Variants in NELL1 observed in about 807,000 individuals in gnomAD.
NELL1 encodes the protein protein kinase C-binding protein NELL1.
In NELL1, 76 loss-of-function variants were observed where a neutral mutation model predicts 107.4. The observed-to-expected ratio is 0.71, with a 90% CI of 0.59 to 0.86. The LOEUF (loss-of-function observed/expected upper bound fraction) is 0.86. Among genes scored for constraint, NELL1 ranks in the 40% least tolerant of loss-of-function variants. The pLI is 0.00. For synonymous variants in NELL1, 353 were observed against 341.2 expected (o/e 1.03, Z -0.38); for missense variants, 1,024 against 1,005.5 (o/e 1.02, Z -0.25).
chr11:20,914,938 A>G (rs980827650), intron 5 of NELL1, among the ~76,000 whole-genome samples: 2 of 152,006 alleles, frequency 1.3e-5, no homozygotes, highest in African/African-American at 4.8e-5. Context: ...TATACCCTAA[A>G]TTAAAAACTA....
intron 15 of NELL1, among the ~76,000 whole-genome samples, chr11:21,475,638 T>A (rs1854311972): frequency 6.6e-6 from 1 of 152,192 alleles, no homozygotes; most frequent in South Asian, 2.1e-4. Context: ...GTAGAGCAGA[T>A]TTACAGTGGA....
intron 13 of NELL1, among the ~76,000 whole-genome samples, chr11:21,168,466 C>G (rs920874311): frequency 6.6e-6 from 1 of 151,752 alleles, no homozygotes; most frequent in South Asian, 2.1e-4. Flanking sequence ...TTCTGTGTCA[C>G]CTCTTCTCTT....
chr11:20,862,405 C>G (rs1342742082), intron 4 of NELL1, among the ~76,000 whole-genome samples: 1 of 152,068 alleles, frequency 6.6e-6, no homozygotes, highest in Admixed American at 6.5e-5. Flanking sequence ...CTGTCAACAT[C>G]AAAGCACAAG....
intron 15 of NELL1, among the ~76,000 whole-genome samples, chr11:21,520,473 T>C (rs930684567): frequency 1.3e-5 from 2 of 152,128 alleles, no homozygotes; most frequent in Non-Finnish European, 2.9e-5. Flanking sequence ...GCCTAGAACA[T>C]CTGGAGGCCA....
At chr11:20,866,063 C>T (rs1418201817) in intron 4 of NELL1, among the ~76,000 whole-genome samples, 2 of 152,164 alleles carry the variant, frequency 1.3e-5, no homozygotes, top group African/African-American at 2.4e-5. Context: ...CTGCCCCCTG[C>T]CTTCAAGGAA....
At chr11:20,854,676 C>T (rs570561129) in intron 4 of NELL1, among the ~76,000 whole-genome samples, 1 of 148,314 alleles carries the variant, frequency 6.7e-6, no homozygotes, top group East Asian at 2.0e-4. Flanking sequence ...GCTCTTTCTT[C>T]CTGAGTTCTC....
At chr11:20,869,272 A>G (rs1432968418) in intron 4 of NELL1, among the ~76,000 whole-genome samples, 2 of 152,218 alleles carry the variant, frequency 1.3e-5, no homozygotes, top group Non-Finnish European at 2.9e-5. Context: ...ATATCTATAT[A>G]AAGGGAGGAG....
intron 15 of NELL1, among the ~76,000 whole-genome samples, chr11:21,467,194 A>G (rs184439030): frequency 3.0e-4 from 45 of 152,154 alleles, no homozygotes; most frequent in Admixed American, 2.8e-3. Context: ...CAGATCCCAT[A>G]CTTACTAACT....
At chr11:21,169,654 A>C in intron 13 of NELL1, 1 of 463,228 alleles carries the variant, frequency 2.2e-6, no homozygotes, top group South Asian at 3.5e-5. Flanking sequence ...TGTTTAGGCA[A>C]ACCCCTTCCT....
intron 14 of NELL1, among the ~76,000 whole-genome samples, chr11:21,334,630 A>G (rs1253940408): frequency 6.6e-6 from 1 of 151,996 alleles, no homozygotes; most frequent in Non-Finnish European, 1.5e-5. Flanking sequence ...ATTCAAAAAT[A>G]TGTATGGAAT....
chr11:20,821,509 A>G (rs1373158109), intron 3 of NELL1, among the ~76,000 whole-genome samples: 3 of 152,192 alleles, frequency 2.0e-5, no homozygotes, highest in Non-Finnish European at 4.4e-5. Flanking sequence ...ACATGCTGGC[A>G]GAGGGATTGT....
chr11:20,899,470 G>C (rs1251384548), intron 5 of NELL1, among the ~76,000 whole-genome samples: 2 of 152,062 alleles, frequency 1.3e-5, no homozygotes, highest in African/African-American at 4.8e-5. Context: ...GTGAGATGCA[G>C]CTAAAGCAAT....
At chr11:20,794,510 G>A (rs1254311162) in intron 3 of NELL1, among the ~76,000 whole-genome samples, 1 of 152,206 alleles carries the variant, frequency 6.6e-6, no homozygotes, top group African/African-American at 2.4e-5. Flanking sequence ...TGCCCTGGGT[G>A]TGCTACACAT....
intron 12 of NELL1, among the ~76,000 whole-genome samples, chr11:21,044,233 G>A (rs1853304498): frequency 6.6e-6 from 1 of 152,124 alleles, no homozygotes; most frequent in South Asian, 2.1e-4. Context: ...TTAAGAAGGA[G>A]GAGTTAATTC....
At chr11:21,533,044 C>G (rs762601738) in intron 15 of NELL1, among the ~76,000 whole-genome samples, 1 of 152,084 alleles carries the variant, frequency 6.6e-6, no homozygotes, top group Admixed American at 6.6e-5. Context: ...AAATATTAGG[C>G]CCTAGGGACT....
intron 14 of NELL1, among the ~76,000 whole-genome samples, chr11:21,356,074 A>G (rs949502540): frequency 6.6e-6 from 1 of 152,088 alleles, no homozygotes; most frequent in Non-Finnish European, 1.5e-5. Context: ...TTCCCCACTG[A>G]CACACTTCCC....
At chr11:21,336,270 G>T (rs1050265226) in intron 14 of NELL1, among the ~76,000 whole-genome samples, 1 of 151,918 alleles carries the variant, frequency 6.6e-6, no homozygotes, top group Non-Finnish European at 1.5e-5. Context: ...TTTACTGTTA[G>T]CCAGGAACTG....
chr11:21,079,499 G>A (rs1182237822), intron 12 of NELL1, among the ~76,000 whole-genome samples: 1 of 152,020 alleles, frequency 6.6e-6, no homozygotes, highest in Non-Finnish European at 1.5e-5. Flanking sequence ...AGTCATGTTT[G>A]TAAACCAGGA....
chr11:21,362,973 G>T (rs1851119744), intron 14 of NELL1, among the ~76,000 whole-genome samples: 1 of 152,098 alleles, frequency 6.6e-6, no homozygotes, highest in African/African-American at 2.4e-5. Context: ...ATAGCGAGAG[G>T]TCTCACCCAG....
Sources: gnomAD v4.1 joint callset for allele counts (sites outside exome capture counted in the v4.1 genomes callset) on GRCh38, gnomAD v4.1.1 for gene constraint, MANE v1.5 for transcripts, NCBI Gene and HGNC (gene_info 2026-07-23, HGNC 2026-07-21) for gene names.